FSIP2: variants seen among roughly 807,000 people sequenced by gnomAD.
FSIP2 encodes fibrous sheath interacting protein 2, also known as fibrous sheath-interacting protein 2.
In FSIP2, 367 loss-of-function variants were observed where a neutral mutation model predicts 510.5. That is an observed-to-expected ratio of 0.72 (90% confidence interval 0.66 to 0.78). The LOEUF (loss-of-function observed/expected upper bound fraction) is 0.78, where lower values mean the gene tolerates loss of function less well. Among genes scored for constraint, FSIP2 ranks in the 30% least tolerant of loss-of-function variants. The pLI is 0.00. For synonymous variants in FSIP2, 2,601 were observed against 2,732.2 expected, an observed-to-expected ratio of 0.95 and a Z score of 1.50; for missense variants, 7,594 against 7,901.7, an observed-to-expected ratio of 0.96 and a Z score of 1.48.
intron 13 of FSIP2, among the ~76,000 whole-genome samples, chr2:185,770,450 G>A (rs1044274269): frequency 2.0e-5 from 3 of 152,102 alleles, no homozygotes; most frequent in African/African-American, 7.2e-5. Flanking sequence ...AAGGTGAAGG[G>A]GAAGCAGGCA....
intron 16 of FSIP2, among the ~76,000 whole-genome samples, chr2:185,798,801 T>A (rs1693358175): frequency 6.6e-6 from 1 of 151,882 alleles, no homozygotes; most frequent in Non-Finnish European, 1.5e-5. Context: ...CACTTGGCTC[T>A]AACAATTCTA....
Position 185,804,154 on chromosome 2 carries a change from G to A in FSIP2, c.14848G>A (p.Glu4950Lys). The change falls in exon 17 of 23, where the codon GAG becomes AAG. Residue 4950 changes from glutamate to lysine, a missense_variant. Transcript: ENST00000424728. The stretch of plus-strand genomic sequence containing the variant: ...TATTGTGAACTCATCTGTCTTTTTG[G>A]AGGAAGTAATTTCTGAGCTCTTATG... ...SFIVNSSVFL[E>K]EVISELLCKI... The A allele has an allele frequency of 1.3e-6, 2 of 1,510,460 alleles. No homozygotes were observed. The highest frequency in any genetic ancestry group is 8.8e-7 in the Non-Finnish European group (1 of 1,135,752). 93.6% of individuals were successfully genotyped at this position (1,510,460 alleles called of 1,614,324 possible). A position where few individuals can be genotyped will look rare whatever the true frequency, so the allele number is the denominator to read the frequency against.
chr2:185,813,677 G>GA lies in FSIP2; in HGVS notation c.19964dup (p.Asn6655LysfsTer10), dbSNP rs746449150. ...TCATGATATTGATCAAGTGTATTTG[G>GA]AAAATTACATAAAAGAGGAACGAGA... On this transcript the variant is annotated frameshift_variant, in exon 18 of 23. Coordinates refer to ENST00000424728, the MANE Select transcript of FSIP2 (RefSeq NM_173651.4). LOFTEE classifies it high-confidence loss of function. 4.3e-6 allele frequency: 7 copies of GA among 1,609,280 alleles called. No homozygotes were observed. In the South Asian group the frequency reaches 5.5e-5, roughly 13 times the overall value.
In FSIP2 at chr2:185,757,827, C is replaced by T. The variant is rs1242958696; in HGVS notation, c.1078+1549C>T. Among the ~76,000 whole-genome samples, 3 of 151,244 alleles carry T rather than the reference C, an allele frequency of 2.0e-5. No homozygotes were observed. In the Admixed American group the frequency reaches 2.0e-4, roughly 10 times the overall value. On this transcript the variant is annotated intron_variant, in intron 9 of 22. Transcript: ENST00000424728. Reference sequence around the variant, plus strand: ...TAGATTACCCTAAAGCAAAATGGAACATTTTGTACAATTACATGTATAAAC... The same window carrying T: ...TAGATTACCCTAAAGCAAAATGGAATATTTTGTACAATTACATGTATAAAC...
chr2:185,772,257 T>C (rs1005327283), intron 13 of FSIP2, among the ~76,000 whole-genome samples: 1 of 152,176 alleles, frequency 6.6e-6, no homozygotes, highest in Non-Finnish European at 1.5e-5. Context: ...CTTATCTCTC[T>C]CCATTACCCA....
chr2:185,801,666 C>T lies in FSIP2; in HGVS notation c.12360C>T (p.Asn4120=). The change falls in exon 17 of 23, where the codon AAC becomes AAT. Residue 4120 remains asparagine, a synonymous_variant. Coordinates refer to ENST00000424728, the MANE Select transcript of FSIP2 (RefSeq NM_173651.4). ...PEIILQKLQS[N]LTEFTSLPRS... is the part of the protein sequence containing the mutation. ...TTATATTGCAAAAGCTTCAAAGTAA[C>T]CTAACAGAATTTACTTCTCTACCCA... 6.5e-7 allele frequency: 1 copy of T among 1,527,874 alleles called. No homozygotes were observed. The highest frequency in any genetic ancestry group is 1.2e-5 in the South Asian group (1 of 82,870). The allele number at this position is 1,527,874 out of a possible 1,614,324, so 94.6% of individuals were successfully genotyped here.
chr2:185,772,307 C>T (rs1692620479), intron 13 of FSIP2, among the ~76,000 whole-genome samples: 1 of 152,148 alleles, frequency 6.6e-6, no homozygotes, highest in Non-Finnish European at 1.5e-5. Context: ...ATCTTTATAG[C>T]AATGCCTTAC....
At position 185,793,173 on chromosome 2, in the gene FSIP2, G is replaced by A. The variant is rs189769063; in HGVS notation, c.6037G>A (p.Gly2013Arg). Residue 2013 changes from glycine to arginine, a missense_variant, in exon 16 of 23, where the codon GGA (glycine) becomes AGA (arginine). Coordinates refer to ENST00000424728, the MANE Select transcript of FSIP2 (RefSeq NM_173651.4). ...ALQVARRNLQ[G>R]IKQELDKERE... ...ACAAGTGGCTAGAAGAAATTTACAA[G>A]GAATCAAACAGGAATTAGATAAAGA... 2.0e-6 allele frequency: 3 copies of A among 1,533,788 alleles called. No homozygotes were observed. Among genetic ancestry groups the A allele is most frequent in the Non-Finnish European group, 2.6e-6 (3 of 1,145,446 alleles).
rs752592818 is a variant in FSIP2 at position 185,805,931 on chromosome 2, C to T, written c.16625C>T (p.Thr5542Ile). 6.3e-7 allele frequency: 1 copy of T among 1,590,596 alleles called. No individual in the cohort carries two copies. The highest frequency in any genetic ancestry group is 1.2e-5 in the South Asian group (1 of 85,736). The change falls in exon 17 of 23, where the codon ACT (threonine) becomes ATT (isoleucine). Residue 5542 changes from threonine to isoleucine, a missense_variant. Thr to Ile is a moderately conservative substitution (Grantham distance 89). Coordinates refer to ENST00000424728, the MANE Select transcript of FSIP2 (RefSeq NM_173651.4). ...GAGAATGTATCAAAAGTTACTTCAA[C>T]TACCACTGTGAAAAGTAAAGATACT... ...HSENVSKVTSTTTVKSKDTQE... is the reference protein window; with the variant it reads ...HSENVSKVTSITTVKSKDTQE...
At chr2:185,770,261 G>C (rs1692579631) in intron 13 of FSIP2, among the ~76,000 whole-genome samples, 1 of 152,048 alleles carries the variant, frequency 6.6e-6, no homozygotes, top group Non-Finnish European at 1.5e-5. Flanking sequence ...GCAGTGTTTT[G>C]TAATTCTCAG....
At position 185,828,204 on chromosome 2, in the gene FSIP2, G is replaced by T. The variant is rs756425910; in HGVS notation, c.20517+5G>T. ...GAGCATGGAAACAGTGTTAAGGTAA[G>T]TATTTTTAACTAGCCTTAGTTGATA... On this transcript the variant is annotated splice_donor_5th_base_variant and intron_variant, in intron 21 of 22. Coordinates refer to ENST00000424728, the MANE Select transcript of FSIP2 (RefSeq NM_173651.4). The T allele has an allele frequency of 6.5e-7, 1 of 1,546,928 alleles. No individual in the cohort carries two copies. Among genetic ancestry groups the T allele is most frequent in the South Asian group, 1.1e-5 (1 of 89,018 alleles).
chr2:185,753,311 C>T (rs1338461445), intron 7 of FSIP2, among the ~76,000 whole-genome samples: 2 of 151,302 alleles, frequency 1.3e-5, no homozygotes, highest in Non-Finnish European at 3.0e-5. Context: ...GCATTCAATA[C>T]TAGCCCAGAA....
chr2:185,788,609 A>T, intron 15 of FSIP2, 34 bp from the exon 16 acceptor site: 2 of 1,411,462 alleles, frequency 1.4e-6, no homozygotes, highest in Non-Finnish European at 9.3e-7. Flanking sequence ...TTGTTACATG[A>T]CTTTATTTTC....
At position 185,803,448 on chromosome 2, in the gene FSIP2, G is replaced by A. The variant is rs1559033493; in HGVS notation, c.14142G>A (p.Val4714=). The part of the protein sequence containing the change: ...KVLQEYEMEV[V]PNKDFLNDTK... ...TGCAAGAATATGAAATGGAAGTCGT[G>A]CCCAATAAAGATTTTCTAAATGACA... The change falls in exon 17 of 23, where the codon GTG becomes GTA. Residue 4714 remains valine, a synonymous_variant. Coordinates refer to ENST00000424728, the MANE Select transcript of FSIP2 (RefSeq NM_173651.4). The A allele has an allele frequency of 3.9e-6, 6 of 1,529,360 alleles. No individual in the cohort carries two copies. Among genetic ancestry groups the A allele is most frequent in the Non-Finnish European group, 5.2e-6 (6 of 1,143,638 alleles). The allele number at this position is 1,529,360 out of a possible 1,614,324, so 94.7% of individuals were successfully genotyped here. A position where few individuals can be genotyped will look rare whatever the true frequency, so the allele number is the denominator to read the frequency against.
Position 185,755,602 on chromosome 2 carries a change from T to C in FSIP2, c.992-590T>C, listed in dbSNP as rs574326386. Among the ~76,000 whole-genome samples, 4 of 151,660 alleles carry C rather than the reference T, an allele frequency of 2.6e-5. No homozygotes were observed. The South Asian group carries it at 8.3e-4, about 31-fold the overall frequency. ...TGTTATCTTCCAACAAGTAAACAAC[T>C]TCTAGTGGGACAGAGAAAGTAAAAG... On this transcript the variant is annotated intron_variant, in intron 8 of 22. Transcript: ENST00000424728.
Position 185,789,359 on chromosome 2 carries a change from A to G in FSIP2, c.2223A>G (p.Glu741=), listed in dbSNP as rs532329573. 4.2e-5 allele frequency: 64 copies of G among 1,535,066 alleles called. 1 individual carries two copies. The Middle Eastern group carries it at 6.7e-4, about 16-fold the overall frequency. ...AEVFVEQCER[E]KEILLSNAHI... is the part of the protein sequence containing the mutation. ...TTTTTGTTGAACAATGTGAACGTGA[A>G]AAAGAAATCTTGCTTTCCAATGCTC... Residue 741 remains glutamate, a synonymous_variant, in exon 16 of 23, where the codon GAA becomes GAG. Coordinates refer to ENST00000424728, the MANE Select transcript of FSIP2 (RefSeq NM_173651.4).
In FSIP2 at chr2:185,771,033, C is replaced by G. The variant is rs192155687; in HGVS notation, c.1411+6468C>G. Among the ~76,000 whole-genome samples the G allele has an allele frequency of 3.5e-4, 53 of 152,300 alleles. No homozygotes were observed. The East Asian group carries it at 9.9e-3, about 28-fold the overall frequency. ...AATAATCTCCCTTGATTCCATGTCTCTCATCCTGGGAACACTAAAAAAAAG... is the reference window on the plus strand; with the variant it reads ...AATAATCTCCCTTGATTCCATGTCTGTCATCCTGGGAACACTAAAAAAAAG... On this transcript the variant is annotated intron_variant, in intron 13 of 22. Transcript: ENST00000424728.
chr2:185,824,964 A>G (rs373793771), intron 20 of FSIP2, among the ~76,000 whole-genome samples: 3 of 151,550 alleles, frequency 2.0e-5, no homozygotes, highest in African/African-American at 7.3e-5. Flanking sequence ...TCCTTAGAAA[A>G]TTTGTAATGA....
At position 185,790,430 on chromosome 2, in the gene FSIP2, A is replaced by T; in HGVS notation, c.3294A>T (p.Gln1098His). The T allele has an allele frequency of 6.5e-7, 1 of 1,532,664 alleles. No homozygotes were observed. Among genetic ancestry groups the T allele is most frequent in the Non-Finnish European group, 8.7e-7 (1 of 1,145,222 alleles). The allele number at this position is 1,532,664 out of a possible 1,614,324, so 94.9% of individuals were successfully genotyped here. ...NKDISTFSQDQKHQIEKASEN... is the reference protein window; with the variant it reads ...NKDISTFSQDHKHQIEKASEN... ...ACATTTCAACTTTCAGCCAAGATCA[A>T]AAGCATCAAATAGAAAAGGCTTCAG... is the stretch of plus-strand genomic sequence containing the variant. Residue 1098 changes from glutamine to histidine, a missense_variant, in exon 16 of 23, where the codon CAA becomes CAT. Coordinates refer to ENST00000424728, the MANE Select transcript of FSIP2 (RefSeq NM_173651.4).
Sources: gnomAD v4.1 joint callset for allele counts (sites outside exome capture counted in the v4.1 genomes callset) on GRCh38, gnomAD v4.1.1 for gene constraint, MANE v1.5 for transcripts, NCBI Gene and HGNC (gene_info 2026-07-23, HGNC 2026-07-21) for gene names.